The following KCNQ3 variants were observed in gnomAD, a reference collection of about 807,000 sequenced individuals.
KCNQ3 encodes potassium voltage-gated channel subfamily Q member 3, also known as potassium voltage-gated channel subfamily KQT member 3.
In KCNQ3, 30 loss-of-function variants were observed where a neutral mutation model predicts 92.5. That is an observed-to-expected ratio of 0.32 (90% CI 0.24 to 0.44). The LOEUF (loss-of-function observed/expected upper bound fraction) is 0.44. Ranked by LOEUF, KCNQ3 falls within the 20% of genes least tolerant of loss-of-function variation. The pLI is 1.00. For missense variants in KCNQ3, 913 were observed against 1,140.3 expected (o/e 0.80, Z 2.87); for synonymous variants, 450 against 468.8 (o/e 0.96, Z 0.52).
rs753581882 is a variant in KCNQ3, at chr8:132,462,239, C to T, written c.386+17908G>A. Among the ~76,000 whole-genome samples, 10 of 152,036 alleles carry T rather than the reference C, an allele frequency of 6.6e-5. 1 individual carries two copies. In the South Asian group the frequency reaches 2.1e-3, roughly 32 times the overall value. ...TTTGAGACGGAGTCTTGCTTTGTTG[C>T]CCAGGTTGGAGTGCAGTGGCGCTAT... is the stretch of plus-strand genomic sequence containing the variant. On this transcript the variant is annotated intron_variant, in intron 1 of 14. Coordinates refer to ENST00000388996, the MANE Select transcript of KCNQ3 (RefSeq NM_004519.4).
chr8:132,247,538 G>C (rs1421404757), intron 1 of KCNQ3, among the ~76,000 whole-genome samples: 1 of 152,074 alleles, frequency 6.6e-6, no homozygotes, highest in African/African-American at 2.4e-5. Flanking sequence ...TGTAATCTCA[G>C]CACTTTCAGA....
At chr8:132,180,428 T>A in intron 3 of KCNQ3, 99 bp from the exon 4 acceptor site, 2 of 1,328,060 alleles carry the variant, frequency 1.5e-6, no homozygotes, top group Non-Finnish European at 1.1e-6. Flanking sequence ...CAGATCAGCA[T>A]GTGCCAAGCA....
intron 1 of KCNQ3, among the ~76,000 whole-genome samples, chr8:132,365,376 TC>T (rs1472965283): frequency 1.3e-5 from 2 of 152,358 alleles, no homozygotes; most frequent in East Asian, 3.9e-4. Context: ...CAGGCATTTT[TC>T]CTACGTTTTA....
chr8:132,469,333 T>C (rs141849536), intron 1 of KCNQ3, among the ~76,000 whole-genome samples: 4 of 152,326 alleles, frequency 2.6e-5, no homozygotes, highest in African/African-American at 9.6e-5. Flanking sequence ...TCTACAGCTT[T>C]AGGAAAATAC....
At chr8:132,210,435 G>A (rs574775601) in intron 1 of KCNQ3, among the ~76,000 whole-genome samples, 2 of 152,178 alleles carry the variant, frequency 1.3e-5, no homozygotes, top group African/African-American at 2.4e-5. Context: ...TTTGAGTAAG[G>A]AGCAGTAGGC....
At chr8:132,435,489 T>G (rs1821369350) in intron 1 of KCNQ3, among the ~76,000 whole-genome samples, 2 of 152,168 alleles carry the variant, frequency 1.3e-5, no homozygotes, top group Non-Finnish European at 2.9e-5. Flanking sequence ...TGTGCGACCT[T>G]AACCTCTGTA....
At chr8:132,428,064 A>G (rs1821155193) in intron 1 of KCNQ3, among the ~76,000 whole-genome samples, 2 of 151,674 alleles carry the variant, frequency 1.3e-5, no homozygotes, top group Non-Finnish European at 2.9e-5. Context: ...CTGATTATGT[A>G]TATGTCCCCA....
intron 1 of KCNQ3, among the ~76,000 whole-genome samples, chr8:132,191,153 AT>A (rs112820970): frequency 6.6e-6 from 1 of 152,128 alleles, no homozygotes; most frequent in Non-Finnish European, 1.5e-5. Context: ...TCTGCAGAAG[AT>A]TTTTTTTAAA....
intron 1 of KCNQ3, among the ~76,000 whole-genome samples, chr8:132,189,888 CAAAAAAAAAAA>C (rs776683880): frequency 4.7e-5 from 3 of 64,084 alleles, no homozygotes; most frequent in African/African-American, 2.4e-4. Flanking sequence ...TAAAAATGAC[CAAAAAAAAAAA>C]AAAAAAAAAG....
chr8:132,172,921 T>C (rs1207592673), intron 6 of KCNQ3, among the ~76,000 whole-genome samples: 1 of 152,210 alleles, frequency 6.6e-6, no homozygotes, highest in African/African-American at 2.4e-5. Context: ...TGGGTTCCAA[T>C]TCTGACACTG....
intron 1 of KCNQ3, among the ~76,000 whole-genome samples, chr8:132,428,535 A>G (rs185573023): frequency 6.4e-4 from 98 of 152,320 alleles, no homozygotes; most frequent in Middle Eastern, 3.4e-3. Context: ...TCACACACAC[A>G]CACATACACA....
At chr8:132,298,394 G>T (rs1443796884) in intron 1 of KCNQ3, among the ~76,000 whole-genome samples, 1 of 152,172 alleles carries the variant, frequency 6.6e-6, no homozygotes, top group East Asian at 1.9e-4. Flanking sequence ...TAGGGTGGGG[G>T]TCCTTAATCA....
At chr8:132,453,574 AG>A (rs1241581666) in intron 1 of KCNQ3, among the ~76,000 whole-genome samples, 2 of 152,090 alleles carry the variant, frequency 1.3e-5, no homozygotes, top group Admixed American at 1.3e-4. Context: ...GGTGTCCCTG[AG>A]TGCAGGCTCA....
chr8:132,459,114 C>CA (rs1667940866), intron 1 of KCNQ3, among the ~76,000 whole-genome samples: 1 of 152,070 alleles, frequency 6.6e-6, no homozygotes, highest in African/African-American at 2.4e-5. Context: ...TCCTTGGTTG[C>CA]AATTCATATG....
At chr8:132,201,241 G>A (rs1278168356) in intron 1 of KCNQ3, among the ~76,000 whole-genome samples, 1 of 152,086 alleles carries the variant, frequency 6.6e-6, no homozygotes, top group Non-Finnish European at 1.5e-5. Context: ...AGAACTTCTG[G>A]GGACACATTC....
intron 1 of KCNQ3, among the ~76,000 whole-genome samples, chr8:132,363,397 T>C (rs1025777383): frequency 2.0e-5 from 3 of 152,130 alleles, no homozygotes; most frequent in African/African-American, 7.2e-5. Context: ...CCATAATTTA[T>C]TAAGGTCCCT....
intron 1 of KCNQ3, among the ~76,000 whole-genome samples, chr8:132,443,417 A>G (rs1587025176): frequency 1.3e-5 from 2 of 152,244 alleles, no homozygotes; most frequent in East Asian, 3.9e-4. Flanking sequence ...GAATAATTTA[A>G]TTGAAAACCA....
At chr8:132,367,479 T>C (rs1819353891) in intron 1 of KCNQ3, among the ~76,000 whole-genome samples, 1 of 152,258 alleles carries the variant, frequency 6.6e-6, no homozygotes, top group Non-Finnish European at 1.5e-5. Flanking sequence ...GGCTTTGCTT[T>C]CAAGATCTTA....
intron 1 of KCNQ3, among the ~76,000 whole-genome samples, chr8:132,201,844 G>C (rs1318686821): frequency 6.6e-6 from 1 of 152,134 alleles, no homozygotes; most frequent in East Asian, 1.9e-4. Flanking sequence ...CACTGCCCTA[G>C]CGAGGTCTCT....
Sources: gnomAD v4.1 joint callset for allele counts (sites outside exome capture counted in the v4.1 genomes callset) on GRCh38, gnomAD v4.1.1 for gene constraint, MANE v1.5 for transcripts, NCBI Gene and HGNC (gene_info 2026-07-23, HGNC 2026-07-21) for gene names.